CSMD1: variants seen among roughly 807,000 people sequenced by gnomAD.
CSMD1 encodes the protein CUB and sushi domain-containing protein 1.
A neutral mutation model predicts 417.5 loss-of-function variants in CSMD1; 213 were observed. The ratio of observed to expected loss-of-function variants is 0.51; its 90% CI spans 0.46 to 0.57. The LOEUF (loss-of-function observed/expected upper bound fraction) is 0.57, where lower values mean the gene tolerates loss of function less well. CSMD1 is among the 20% of genes least tolerant of loss of function. CSMD1 has a pLI of 0.00. For missense variants in CSMD1, 6,923 were observed against 4,529.7 expected, an observed-to-expected ratio of 1.53 and a Z score of -15.17; for synonymous variants, 2,862 against 1,736.8, an observed-to-expected ratio of 1.65 and a Z score of -16.11.
intron 4 of CSMD1, among the ~76,000 whole-genome samples, chr8:4,015,661 T>TAAAAAAAAAAA: frequency 1.0e-5 from 1 of 97,468 alleles, no homozygotes; most frequent in Non-Finnish European, 1.9e-5. Flanking sequence ...GTTTGAATCT[T>TAAAAAAAAAAA]AAAAAAAAAA....
chr8:4,583,752 C>G (rs904728683), intron 2 of CSMD1, among the ~76,000 whole-genome samples: 17 of 149,382 alleles, frequency 1.1e-4, no homozygotes, highest in African/African-American at 4.4e-4. Context: ...GACCACTGGG[C>G]TCTATCAATC....
chr8:4,711,090 T>G (rs1226063045), intron 1 of CSMD1, among the ~76,000 whole-genome samples: 1 of 151,734 alleles, frequency 6.6e-6, no homozygotes, highest in Non-Finnish European at 1.5e-5. Context: ...GAAAACAGTC[T>G]TATGTAAATA....
At chr8:3,596,427 A>T (rs1348981150) in intron 8 of CSMD1, among the ~76,000 whole-genome samples, 2 of 152,196 alleles carry the variant, frequency 1.3e-5, no homozygotes, top group African/African-American at 4.8e-5. Flanking sequence ...GAGGAGGCTG[A>T]TTCCCAAATC....
chr8:3,489,874 T>C (rs983079223), intron 11 of CSMD1, among the ~76,000 whole-genome samples: 1 of 152,208 alleles, frequency 6.6e-6, no homozygotes, highest in Non-Finnish European at 1.5e-5. Context: ...TTTGAAGTAG[T>C]GAATGCCAGT....
chr8:3,115,761 A>T (rs13258056), intron 42 of CSMD1, among the ~76,000 whole-genome samples: 1 of 152,208 alleles, frequency 6.6e-6, no homozygotes, highest in Admixed American at 6.5e-5. Flanking sequence ...ATACTTGTGA[A>T]GACTGATGCC....
intron 10 of CSMD1, among the ~76,000 whole-genome samples, chr8:3,561,420 G>C (rs1370654432): frequency 6.6e-6 from 1 of 151,910 alleles, no homozygotes; most frequent in Non-Finnish European, 1.5e-5. Flanking sequence ...AAGAAAATGC[G>C]GTATCTTTAC....
chr8:3,674,787 A>T (rs1319862171), intron 7 of CSMD1, among the ~76,000 whole-genome samples: 2 of 152,192 alleles, frequency 1.3e-5, no homozygotes, highest in South Asian at 4.1e-4. Context: ...TATAGTTTTC[A>T]AAGAGGTGAA....
chr8:3,854,094 C>A (rs1804121387), intron 5 of CSMD1, among the ~76,000 whole-genome samples: 1 of 143,558 alleles, frequency 7.0e-6, no homozygotes, highest in African/African-American at 2.5e-5. Context: ...AGAAAAATTA[C>A]ATTATACTTT....
intron 1 of CSMD1, among the ~76,000 whole-genome samples, chr8:4,640,220 T>C (rs1349224227): frequency 6.6e-6 from 1 of 152,204 alleles, no homozygotes; most frequent in Non-Finnish European, 1.5e-5. Context: ...TTCATTGACA[T>C]TCCATAGCAC....
chr8:4,442,270 A>G (rs762342283), intron 2 of CSMD1, among the ~76,000 whole-genome samples: 5 of 152,164 alleles, frequency 3.3e-5, no homozygotes, highest in South Asian at 2.1e-4. Context: ...TTTTGTTTTT[A>G]TAACAGTAAA....
At chr8:4,605,874 G>T (rs753905429) in intron 2 of CSMD1, among the ~76,000 whole-genome samples, 1 of 152,138 alleles carries the variant, frequency 6.6e-6, no homozygotes, top group Non-Finnish European at 1.5e-5. Flanking sequence ...GCCAAATGAG[G>T]CTGGAGTAGA....
chr8:4,589,193 A>C (rs1799863129), intron 2 of CSMD1, among the ~76,000 whole-genome samples: 2 of 152,200 alleles, frequency 1.3e-5, no homozygotes, highest in African/African-American at 4.8e-5. Context: ...AATTGGATAG[A>C]GCCTTATCAG....
intron 50 of CSMD1, among the ~76,000 whole-genome samples, chr8:3,040,044 G>A (rs1365630200): frequency 1.3e-5 from 2 of 152,166 alleles, no homozygotes; most frequent in Non-Finnish European, 2.9e-5. Flanking sequence ...CCACTGAGGG[G>A]TGAAAAGGAG....
chr8:4,204,690 T>C (rs1463020947), intron 3 of CSMD1, among the ~76,000 whole-genome samples: 1 of 152,192 alleles, frequency 6.6e-6, no homozygotes, highest in East Asian at 1.9e-4. Context: ...AGTTTCACTC[T>C]GTCACCCAGG....
rs191368912 is a variant in CSMD1, at chr8:3,255,170, G to C, written c.4154-24939C>G. 1.4e-4 allele frequency among the ~76,000 whole-genome samples: 22 copies of C among 152,312 alleles called. No homozygotes were observed. In the East Asian group the frequency reaches 3.5e-3, roughly 24 times the overall value. On this transcript the variant is annotated intron_variant, in intron 26 of 69. Coordinates refer to ENST00000635120, the MANE Select transcript of CSMD1 (RefSeq NM_033225.6). Reference sequence around the variant, plus strand: ...TATTTGCCTGGGTATCAGTAGCAGAGGCTGCAGAGCAGTGGATATTGGTGA... The same window carrying C: ...TATTTGCCTGGGTATCAGTAGCAGACGCTGCAGAGCAGTGGATATTGGTGA...
intron 12 of CSMD1, among the ~76,000 whole-genome samples, chr8:3,431,992 C>T (rs1490851516): frequency 1.3e-5 from 2 of 152,118 alleles, no homozygotes; most frequent in African/African-American, 2.4e-5. Context: ...CGAATGTGAT[C>T]ATGTAAGAGA....
At chr8:3,050,792 A>T in intron 50 of CSMD1, among the ~76,000 whole-genome samples, 1 of 152,370 alleles carries the variant, frequency 6.6e-6, no homozygotes, top group Non-Finnish European at 1.5e-5. Context: ...TTTATATCTA[A>T]GTATATGGAT....
intron 26 of CSMD1, among the ~76,000 whole-genome samples, chr8:3,271,890 C>G (rs1009665843): frequency 6.6e-6 from 1 of 152,098 alleles, no homozygotes; most frequent in Non-Finnish European, 1.5e-5. Flanking sequence ...TGCCTGTTCA[C>G]TCTGATGGTA....
intron 3 of CSMD1, among the ~76,000 whole-genome samples, chr8:4,122,272 G>A (rs1307959822): frequency 1.3e-5 from 2 of 152,006 alleles, no homozygotes; most frequent in Non-Finnish European, 2.9e-5. Flanking sequence ...CTTAAGACCT[G>A]GTTATTTATA....
Sources: allele counts gnomAD v4.1 joint callset (sites outside exome capture counted in the v4.1 genomes callset), GRCh38; gene constraint gnomAD v4.1.1; transcripts MANE v1.5; gene names NCBI Gene and HGNC (gene_info 2026-07-23, HGNC 2026-07-21).